Variants in MALRD1 observed in about 807,000 individuals in gnomAD.
MALRD1 encodes MAM and LDL-receptor class A domain-containing protein 1.
Under a neutral mutation model 242.1 loss-of-function variants are expected in MALRD1, and 247 were observed. That is an observed-to-expected ratio of 1.02 (90% CI 0.92 to 1.13). The LOEUF (loss-of-function observed/expected upper bound fraction) is 1.13, where lower values mean the gene tolerates loss of function less well. MALRD1 is among the 50% of genes most tolerant of loss of function. The pLI, the probability that MALRD1 is intolerant of heterozygous loss-of-function variation, is 0.00. For missense variants in MALRD1, 2,989 were observed against 2,533.1 expected, an observed-to-expected ratio of 1.18 and a Z score of -3.86; for synonymous variants, 995 against 866.6, an observed-to-expected ratio of 1.15 and a Z score of -2.60.
intron 31 of MALRD1, among the ~76,000 whole-genome samples, chr10:19,504,535 T>C (rs1463783692): frequency 6.6e-6 from 1 of 152,104 alleles, no homozygotes; most frequent in Admixed American, 6.5e-5. Flanking sequence ...CCATTATTCC[T>C]GGACCCACTT....
At chr10:19,233,457 A>G (rs943398866) in intron 18 of MALRD1, among the ~76,000 whole-genome samples, 1 of 152,180 alleles carries the variant, frequency 6.6e-6, no homozygotes, top group Non-Finnish European at 1.5e-5. Context: ...AGCCGAGATC[A>G]TGCCATTGTA....
intron 29 of MALRD1, among the ~76,000 whole-genome samples, chr10:19,451,786 G>A (rs993314366): frequency 1.3e-5 from 2 of 152,044 alleles, no homozygotes; most frequent in Admixed American, 6.6e-5. Flanking sequence ...TTTAAACTTC[G>A]AATTCCCTCT....
intron 28 of MALRD1, among the ~76,000 whole-genome samples, chr10:19,389,940 G>T (rs7910332): frequency 0.87 from 132,703 of 152,072 alleles, 58,144 homozygotes; most frequent in African/African-American, 0.92. Context: ...GGGACTACAT[G>T]CATGAGCCAC....
intron 29 of MALRD1, among the ~76,000 whole-genome samples, chr10:19,483,394 C>A (rs1159336850): frequency 6.6e-6 from 1 of 152,046 alleles, no homozygotes; most frequent in African/African-American, 2.4e-5. Context: ...AGAAAACATT[C>A]ATACTGTGCA....
chr10:19,267,957 G>A (rs1840035630), intron 19 of MALRD1, among the ~76,000 whole-genome samples: 1 of 152,110 alleles, frequency 6.6e-6, no homozygotes, highest in Admixed American at 6.5e-5. Context: ...TCAATTAACA[G>A]TTTTATTGTG....
intron 22 of MALRD1, among the ~76,000 whole-genome samples, chr10:19,326,778 T>C (rs889323799): frequency 4.6e-5 from 7 of 152,026 alleles, no homozygotes; most frequent in South Asian, 2.1e-4. Flanking sequence ...GTCAGGACTT[T>C]CACAAATCTT....
At chr10:19,277,132 C>T (rs572289123) in intron 19 of MALRD1, among the ~76,000 whole-genome samples, 1 of 152,088 alleles carries the variant, frequency 6.6e-6, no homozygotes, top group Non-Finnish European at 1.5e-5. Flanking sequence ...CACCATGTTG[C>T]CCAGGCTAGT....
At chr10:19,471,539 C>T (rs1836496843) in intron 29 of MALRD1, among the ~76,000 whole-genome samples, 1 of 150,664 alleles carries the variant, frequency 6.6e-6, no homozygotes, top group African/African-American at 2.4e-5. Context: ...GACATTTTAA[C>T]AATATTAATG....
intron 29 of MALRD1, among the ~76,000 whole-genome samples, chr10:19,453,794 T>G (rs942042646): frequency 1.3e-5 from 2 of 151,790 alleles, no homozygotes; most frequent in African/African-American, 4.8e-5. Flanking sequence ...GAGAATTGCC[T>G]GAACCAGGGA....
intron 32 of MALRD1, among the ~76,000 whole-genome samples, chr10:19,555,958 T>C (rs1438116922): frequency 6.6e-6 from 1 of 152,142 alleles, no homozygotes; most frequent in Non-Finnish European, 1.5e-5. Context: ...CAAGTGATTA[T>C]TTTAATAATT....
chr10:19,234,305 T>C (rs1422224970), intron 18 of MALRD1, among the ~76,000 whole-genome samples: 2 of 152,210 alleles, frequency 1.3e-5, no homozygotes, highest in East Asian at 3.9e-4. Context: ...TAAAATTTTA[T>C]CATATCTTAA....
In MALRD1 at chr10:19,191,318, C is replaced by T. The variant is rs139726904; in HGVS notation, c.1952-12410C>T. ...AAAATAATAAAAACCAAAAACAAAA[C>T]CAAACAAAAAACCAATCCAGAAGTT... On this transcript the variant is annotated intron_variant, in intron 14 of 39. Transcript: ENST00000454679. Among the ~76,000 whole-genome samples, 76 of 152,120 alleles carry T rather than the reference C, an allele frequency of 5.0e-4. No individual in the cohort carries two copies. The East Asian group carries it at 0.013, about 27-fold the overall frequency.
chr10:19,103,560 A>AAAAAAT (rs1554789193), intron 4 of MALRD1, among the ~76,000 whole-genome samples: 1 of 149,446 alleles, frequency 6.7e-6, no homozygotes, highest in African/African-American at 2.5e-5. Flanking sequence ...TCAAAAAAAA[A>AAAAAAT]AAAAATAAAT....
intron 38 of MALRD1, chr10:19,722,188 C>T (rs1834790767): frequency 6.6e-6 from 1 of 152,142 alleles, no homozygotes; most frequent in Non-Finnish European, 1.5e-5. Flanking sequence ...CCTCAGAGAA[C>T]TTATAGTCTA....
Position 19,049,122 on chromosome 10 carries a change from A to G in MALRD1, c.184A>G (p.Ser62Gly). 8.1e-7 allele frequency: 1 copy of G among 1,233,868 alleles called. No individual in the cohort carries two copies. Among genetic ancestry groups the G allele is most frequent in the East Asian group, 3.2e-5 (1 of 31,698 alleles). 76.4% of individuals were successfully genotyped at this position (1,233,868 alleles called of 1,614,324 possible). ...CTTCACAGATCAGTGTGGGGATAGC[A>G]GTGATGAACGGCACTGTAAGTGACA... Reference protein sequence around the residue: ...CDFTDQCGDSSDERHCLNYER... With the variant: ...CDFTDQCGDSGDERHCLNYER... The change falls in exon 1 of 40, where the codon AGT becomes GGT. Residue 62 changes from serine (S) to glycine (G), a missense_variant. Ser to Gly is a moderately conservative substitution (Grantham distance 56). Transcript: ENST00000454679.
At chr10:19,353,579 G>T (rs1048848191) in intron 26 of MALRD1, among the ~76,000 whole-genome samples, 5 of 152,092 alleles carry the variant, frequency 3.3e-5, no homozygotes, top group Non-Finnish European at 7.3e-5. Flanking sequence ...CAGGCTCTTT[G>T]CCTGACAGGC....
chr10:19,556,532 A>G (rs1589235847), intron 32 of MALRD1, among the ~76,000 whole-genome samples: 1 of 152,078 alleles, frequency 6.6e-6, no homozygotes, highest in East Asian at 1.9e-4. Context: ...CGCTTTTCAG[A>G]TTGACTTATT....
At chr10:19,296,945 G>A (rs981463443) in intron 21 of MALRD1, among the ~76,000 whole-genome samples, 1 of 151,718 alleles carries the variant, frequency 6.6e-6, no homozygotes, top group African/African-American at 2.4e-5. Flanking sequence ...TTCTTCCTCA[G>A]ATTGGCTCAT....
intron 32 of MALRD1, among the ~76,000 whole-genome samples, chr10:19,543,451 T>TTTTTTTTTTTTA (rs1554796763): frequency 7.0e-6 from 1 of 143,722 alleles, no homozygotes; most frequent in Non-Finnish European, 1.5e-5. Flanking sequence ...TTTTTTTTTT[T>TTTTTTTTTTTTA]GAGAGAGAAA....
Sources: allele counts gnomAD v4.1 joint callset (sites outside exome capture counted in the v4.1 genomes callset), GRCh38; gene constraint gnomAD v4.1.1; transcripts MANE v1.5; gene names NCBI Gene and HGNC (gene_info 2026-07-23, HGNC 2026-07-21).